ROBO1: variants seen among roughly 807,000 people sequenced by gnomAD.
ROBO1 encodes the protein roundabout guidance receptor 1.
ROBO1 carries 149 observed loss-of-function variants against 195.9 expected under a neutral mutation model. The observed-to-expected ratio is 0.76, with a 90% CI of 0.67 to 0.87. The LOEUF (loss-of-function observed/expected upper bound fraction) is 0.87. Ranked by LOEUF, ROBO1 falls within the 40% of genes least tolerant of loss-of-function variation. ROBO1 has a pLI of 0.00. For synonymous variants in ROBO1, 816 were observed against 733.2 expected (o/e 1.11, Z -1.82); for missense variants, 1,933 against 2,068.3 (o/e 0.93, Z 1.27).
rs780634804 is a variant in ROBO1 at position 78,836,685 on chromosome 3, G to A, written c.500-89785C>T. 4.6e-5 allele frequency among the ~76,000 whole-genome samples: 7 copies of A among 152,096 alleles called. 1 individual carries two copies. The highest frequency in any genetic ancestry group is 2.6e-4 in the Admixed American group (4 of 15,268). Reference sequence around the variant, plus strand: ...ATTTACTTTGTATTAATTTGTATAAGGTGGTCAACTGACCTGTATGATAAT... The same window carrying A: ...ATTTACTTTGTATTAATTTGTATAAAGTGGTCAACTGACCTGTATGATAAT... On this transcript the variant is annotated intron_variant, in intron 4 of 30. Coordinates refer to ENST00000464233, the MANE Select transcript of ROBO1 (RefSeq NM_002941.4).
intron 23 of ROBO1, chr3:78,634,551 G>T: frequency 3.1e-6 from 1 of 324,258 alleles, no homozygotes. Context: ...CTTACAAGCA[G>T]TATAAACAAT....
chr3:78,965,198 C>T (rs1451580183), intron 3 of ROBO1, among the ~76,000 whole-genome samples: 1 of 151,918 alleles, frequency 6.6e-6, no homozygotes, highest in Non-Finnish European at 1.5e-5. Flanking sequence ...CTTTCTGAAA[C>T]TCTTCTAAAA....
intron 2 of ROBO1, among the ~76,000 whole-genome samples, chr3:79,378,292 A>T (rs759968667): frequency 2.0e-5 from 3 of 151,052 alleles, no homozygotes; most frequent in Non-Finnish European, 4.4e-5. Flanking sequence ...AGTCTGGGAA[A>T]CTCTCTTTTC....
chr3:79,135,313 C>T (rs2080383537), intron 2 of ROBO1, among the ~76,000 whole-genome samples: 1 of 152,100 alleles, frequency 6.6e-6, no homozygotes, highest in African/African-American at 2.4e-5. Context: ...ATTGATAGAT[C>T]AGACAGTCAT....
intron 2 of ROBO1, among the ~76,000 whole-genome samples, chr3:79,158,179 T>C (rs1232710312): frequency 1.3e-5 from 2 of 151,780 alleles, no homozygotes; most frequent in African/African-American, 4.8e-5. Context: ...GGAATCTCAC[T>C]GATGCAATTT....
chr3:79,299,792 A>G (rs901701856), intron 2 of ROBO1, among the ~76,000 whole-genome samples: 5 of 151,982 alleles, frequency 3.3e-5, no homozygotes, highest in Admixed American at 2.6e-4. Context: ...AGTGTAGTTA[A>G]TTAACCAAGG....
At chr3:79,684,074 T>C (rs981303632) in intron 1 of ROBO1, among the ~76,000 whole-genome samples, 1 of 152,128 alleles carries the variant, frequency 6.6e-6, no homozygotes, top group Non-Finnish European at 1.5e-5. Context: ...CAGCAATATA[T>C]GAGGACTCCA....
At chr3:79,062,942 T>A (rs2078945923) in intron 3 of ROBO1, among the ~76,000 whole-genome samples, 1 of 151,884 alleles carries the variant, frequency 6.6e-6, no homozygotes, top group South Asian at 2.1e-4. Flanking sequence ...GTAAAAAACC[T>A]GCACGTTCTG....
At chr3:79,183,568 C>T (rs1195844971) in intron 2 of ROBO1, among the ~76,000 whole-genome samples, 1 of 152,212 alleles carries the variant, frequency 6.6e-6, no homozygotes, top group Non-Finnish European at 1.5e-5. Context: ...TGCTAAGAAA[C>T]ATTCTCCAGG....
chr3:78,652,464 T>G (rs945136815), intron 18 of ROBO1, among the ~76,000 whole-genome samples: 1 of 152,146 alleles, frequency 6.6e-6, no homozygotes, highest in South Asian at 2.1e-4. Flanking sequence ...TCTATGTGTG[T>G]GCATGTGTGT....
intron 3 of ROBO1, among the ~76,000 whole-genome samples, chr3:78,980,440 ATAT>A (rs2107981160): frequency 6.6e-6 from 1 of 152,330 alleles, no homozygotes; most frequent in East Asian, 1.9e-4. Flanking sequence ...AAAACTCTAA[ATAT>A]TTTAAAAATA....
intron 3 of ROBO1, among the ~76,000 whole-genome samples, chr3:79,008,450 T>C (rs1167440115): frequency 5.9e-5 from 9 of 152,096 alleles, no homozygotes. Context: ...TAGCATTAAA[T>C]GAATGGCAAA....
chr3:78,633,384 G>A (rs1361132585), intron 24 of ROBO1, among the ~76,000 whole-genome samples: 1 of 152,164 alleles, frequency 6.6e-6, no homozygotes, highest in Admixed American at 6.5e-5. Context: ...GCCTCAATGT[G>A]GCTTTGGGAG....
intron 1 of ROBO1, among the ~76,000 whole-genome samples, chr3:79,596,226 A>G (rs1944165019): frequency 6.6e-6 from 1 of 152,080 alleles, no homozygotes; most frequent in African/African-American, 2.4e-5. Context: ...AATATTTTTG[A>G]ACAGCTAATC....
chr3:78,941,728 C>A (rs1482463234), intron 3 of ROBO1, among the ~76,000 whole-genome samples: 2 of 152,106 alleles, frequency 1.3e-5, no homozygotes, highest in Admixed American at 6.6e-5. Flanking sequence ...ACTTGTGGGA[C>A]CTGCAAGCTG....
intron 3 of ROBO1, among the ~76,000 whole-genome samples, chr3:78,996,928 T>C (rs2077381210): frequency 6.6e-6 from 1 of 152,204 alleles, no homozygotes; most frequent in Non-Finnish European, 1.5e-5. Flanking sequence ...TTCTGCCAGA[T>C]GGACTCTTTT....
intron 4 of ROBO1, among the ~76,000 whole-genome samples, chr3:78,887,384 T>C (rs1169987649): frequency 6.6e-6 from 1 of 152,130 alleles, no homozygotes; most frequent in East Asian, 1.9e-4. Flanking sequence ...CTCTATAAAG[T>C]TGCATGCACA....
chr3:79,256,707 T>C (rs908978345), intron 2 of ROBO1, among the ~76,000 whole-genome samples: 1 of 152,168 alleles, frequency 6.6e-6, no homozygotes, highest in Non-Finnish European at 1.5e-5. Context: ...TTACATCTAT[T>C]AACTTTCTGT....
chr3:79,733,621 C>T (rs1026998855), intron 1 of ROBO1, among the ~76,000 whole-genome samples: 7 of 152,192 alleles, frequency 4.6e-5, no homozygotes, highest in Non-Finnish European at 1.0e-4. Context: ...ATTCCTCTGG[C>T]TCCCACCATC....
Sources: allele counts gnomAD v4.1 joint callset (sites outside exome capture counted in the v4.1 genomes callset), GRCh38; gene constraint gnomAD v4.1.1; transcripts MANE v1.5; gene names NCBI Gene and HGNC (gene_info 2026-07-23, HGNC 2026-07-21).